RARRES1: variants seen among roughly 807,000 people sequenced by gnomAD.
RARRES1 encodes retinoic acid receptor responder 1.
A neutral mutation model predicts 30.6 loss-of-function variants in RARRES1; 34 were observed. The observed-to-expected ratio is 1.11, with a 90% CI of 0.84 to 1.48. RARRES1 has a LOEUF of 1.48. Among genes scored for constraint, RARRES1 ranks in the 40% most tolerant of loss-of-function variants. The pLI, the probability that RARRES1 is intolerant of heterozygous loss-of-function variation, is 0.00. For missense variants in RARRES1, 373 were observed against 386.5 expected (o/e 0.97, Z 0.29); for synonymous variants, 153 against 155.5 (o/e 0.98, Z 0.12).
intron 4 of RARRES1, among the ~76,000 whole-genome samples, chr3:158,700,351 G>T (rs1726686244): frequency 6.6e-6 from 1 of 152,070 alleles, no homozygotes; most frequent in Admixed American, 6.6e-5. Context: ...AGGCAAAAAA[G>T]AGGCAGAGCT....
At position 158,710,915 on chromosome 3, in the gene RARRES1, C is replaced by T; in HGVS notation, c.358G>A (p.Glu120Lys). ...YNPESLLQEG[E>K]GRLGKCSARV... ...GCAGAACATTTCCCCAAACGTCCCT[C>T]ACCTTCCTGAAGTAAAGACTGTGGA... Residue 120 changes from glutamate (E) to lysine (K), a missense_variant, in exon 3 of 6, where the codon GAG becomes AAG. Physicochemically the swap from Glu to Lys is moderately conservative, Grantham distance 56. Transcript: ENST00000237696. 2 of 1,613,952 alleles carry T rather than the reference C, an allele frequency of 1.2e-6. No homozygotes were observed. Among genetic ancestry groups the T allele is most frequent in the Non-Finnish European group, 1.7e-6 (2 of 1,179,900 alleles).
At chr3:158,720,561 C>T (rs1268785280) in intron 1 of RARRES1, among the ~76,000 whole-genome samples, 1 of 150,674 alleles carries the variant, frequency 6.6e-6, no homozygotes, top group Non-Finnish European at 1.5e-5. Flanking sequence ...TTGCCTCTTC[C>T]TAGTTTTAGG....
chr3:158,727,360 A>T (rs1727728411), intron 1 of RARRES1, among the ~76,000 whole-genome samples: 1 of 152,158 alleles, frequency 6.6e-6, no homozygotes, highest in Non-Finnish European at 1.5e-5. Flanking sequence ...TATGTTTCCA[A>T]CCACTGGTCT....
chr3:158,713,967 A>G (rs1727237173), intron 1 of RARRES1, 108 bp from the exon 2 acceptor site: 1 of 982,428 alleles, frequency 1.0e-6, no homozygotes, highest in Non-Finnish European at 1.6e-6. Flanking sequence ...TGGCTGTAGC[A>G]TTTATACCTG....
At chr3:158,729,715 G>A (rs539910222) in intron 1 of RARRES1, among the ~76,000 whole-genome samples, 1 of 152,144 alleles carries the variant, frequency 6.6e-6, no homozygotes, top group East Asian at 2.0e-4. Context: ...GCCTCCCAAA[G>A]TGCTGAGATT....
Position 158,732,194 on chromosome 3 carries a change from G to C in RARRES1, c.222C>G (p.Ser74=), listed in dbSNP as rs1184597867. The change falls in exon 1 of 6, where the codon TCC becomes TCG. Residue 74 remains serine, a synonymous_variant. Transcript: ENST00000237696. ...RAALHFFNFR[S]GSPSALRVLA... ...GCACTCGTAGCGCGCTGGGCGAGCC[G>C]GACCGGAAGTTGAAGAAGTGAAGCG... The C allele has an allele frequency of 1.4e-6, 2 of 1,422,334 alleles. No individual in the cohort carries two copies. Among genetic ancestry groups the C allele is most frequent in the East Asian group, 3.0e-5 (1 of 32,932 alleles). The allele number at this position is 1,422,334 out of a possible 1,614,324, so 88.1% of individuals were successfully genotyped here. A position where few individuals can be genotyped will look rare whatever the true frequency, so the allele number is the denominator to read the frequency against.
chr3:158,700,014 G>C (rs1411855819), intron 4 of RARRES1, among the ~76,000 whole-genome samples: 1 of 152,052 alleles, frequency 6.6e-6, no homozygotes, highest in Non-Finnish European at 1.5e-5. Context: ...AGTCTTGACT[G>C]TTTACCATGT....
chr3:158,710,690 T>G (rs1727091373), intron 3 of RARRES1, 48 bp downstream of exon 3: 1 of 1,486,076 alleles, frequency 6.7e-7, no homozygotes, highest in East Asian at 2.3e-5. Context: ...AAGGATTTAG[T>G]TATTACATAC....
intron 1 of RARRES1, among the ~76,000 whole-genome samples, chr3:158,718,823 G>C (rs761828708): frequency 1.6e-4 from 24 of 152,120 alleles, no homozygotes; most frequent in Non-Finnish European, 3.1e-4. Context: ...ACAGCCACAT[G>C]GTGTAAAGCT....
At chr3:158,713,674 A>C (rs1398819169) in intron 2 of RARRES1, 123 bp downstream of exon 2, 1 of 918,676 alleles carries the variant, frequency 1.1e-6, no homozygotes, top group African/African-American at 1.7e-5. Flanking sequence ...AACAAATAGG[A>C]AACAGATCAG....
At chr3:158,712,458 C>T (rs928230105) in intron 2 of RARRES1, among the ~76,000 whole-genome samples, 1 of 152,050 alleles carries the variant, frequency 6.6e-6, no homozygotes, top group African/African-American at 2.4e-5. Context: ...CTAAAACTAC[C>T]TCAAAAAACT....
intron 1 of RARRES1, among the ~76,000 whole-genome samples, chr3:158,729,861 C>T (rs1727815808): frequency 6.6e-6 from 1 of 152,120 alleles, no homozygotes; most frequent in South Asian, 2.1e-4. Context: ...GAATCCTGCC[C>T]CTGGTAACCA....
intron 1 of RARRES1, among the ~76,000 whole-genome samples, chr3:158,720,474 G>GGTGGCTTACAACAACAGATATTTA (rs1727481232): frequency 6.8e-6 from 1 of 147,046 alleles, no homozygotes; most frequent in African/African-American, 2.7e-5. Context: ...TTCTCATACA[G>GGTGGCTTACAACAACAGATATTTA]TTCTGGAGGC....
At chr3:158,730,045 G>A (rs560001878) in intron 1 of RARRES1, among the ~76,000 whole-genome samples, 18 of 151,738 alleles carry the variant, frequency 1.2e-4, no homozygotes, top group African/African-American at 1.9e-4. Context: ...AAGATGGCCC[G>A]GCACGGTGGC....
rs553914934 is a variant in RARRES1, at chr3:158,723,387, G to A, written c.276+8753C>T. Among the ~76,000 whole-genome samples the A allele has an allele frequency of 4.3e-4, 65 of 152,324 alleles. No individual in the cohort carries two copies. Among genetic ancestry groups the A allele is most frequent in the African/African-American group, 1.5e-3 (64 of 41,564 alleles). On this transcript the variant is annotated intron_variant, in intron 1 of 5. Coordinates refer to ENST00000237696, the MANE Select transcript of RARRES1 (RefSeq NM_206963.2). This position sits in a 1 kb window ranked among gnomAD's most constrained non-coding sequence, Gnocchi z 4.4. Reference sequence around the variant, plus strand: ...GGAGATAAGTAAACAACTCATTTGTGCATAGAAATTGCTGTGCTATCCTTA... The same window carrying A: ...GGAGATAAGTAAACAACTCATTTGTACATAGAAATTGCTGTGCTATCCTTA...
intron 4 of RARRES1, among the ~76,000 whole-genome samples, chr3:158,699,440 C>T (rs1031942609): frequency 6.6e-6 from 1 of 150,656 alleles, no homozygotes; most frequent in Admixed American, 6.6e-5. Context: ...AGCAACCCCC[C>T]CCCCACCAAA....
chr3:158,701,025 T>A (rs948518994), intron 4 of RARRES1, among the ~76,000 whole-genome samples: 5 of 152,200 alleles, frequency 3.3e-5, no homozygotes, highest in African/African-American at 1.2e-4. Context: ...ATAAGGTAGA[T>A]AGGATGGTTT....
At chr3:158,711,600 C>CTTTTT (rs1175463184) in intron 2 of RARRES1, among the ~76,000 whole-genome samples, 4 of 121,310 alleles carry the variant, frequency 3.3e-5, no homozygotes, top group African/African-American at 9.6e-5. Flanking sequence ...TTGCATTCAT[C>CTTTTT]TTTTTTTTTT....
At chr3:158,725,415 C>T (rs1727654148) in intron 1 of RARRES1, among the ~76,000 whole-genome samples, 1 of 152,158 alleles carries the variant, frequency 6.6e-6, no homozygotes, top group South Asian at 2.1e-4. Context: ...CAATGTCAGT[C>T]GTTGTGGGCT....
Sources: gnomAD v4.1 joint callset for allele counts (sites outside exome capture counted in the v4.1 genomes callset) on GRCh38, gnomAD v4.1.1 for gene constraint, Gnocchi (gnomAD v3.1) non-coding constraint, MANE v1.5 for transcripts, NCBI Gene and HGNC (gene_info 2026-07-23, HGNC 2026-07-21) for gene names.